The following IFT140 variants were observed in gnomAD, a reference collection of about 807,000 sequenced individuals.
IFT140 encodes intraflagellar transport 140.
In IFT140, 133 loss-of-function variants were observed where a neutral mutation model predicts 164.6. The observed-to-expected ratio is 0.81, with a 90% CI of 0.70 to 0.93. The LOEUF is 0.93. IFT140 is among the 40% of genes least tolerant of loss of function. The pLI, the probability that IFT140 is intolerant of heterozygous loss-of-function variation, is 0.00. For missense variants in IFT140, 2,045 were observed against 1,972.3 expected (o/e 1.04, Z -0.70); for synonymous variants, 860 against 817.3 (o/e 1.05, Z -0.89).
At chr16:1,530,131 A>ATCTTTTTTTTTTTTTTT (rs2030298651) in intron 19 of IFT140, among the ~76,000 whole-genome samples, 1 of 126,540 alleles carries the variant, frequency 7.9e-6, no homozygotes, top group Non-Finnish European at 1.6e-5. Flanking sequence ...CACGACGGGA[A>ATCTTTTTTTTTTTTTTT]TCTTTTTTTT....
rs534141586 is a variant in IFT140 at position 1,520,633 on chromosome 16, T to G, written c.3629A>C (p.Lys1210Thr). The part of the protein sequence containing the change: ...MRQGSYHLAT[K>T]KYTQAGNKLK... ...CTTGTTGCCGGCCTGCGTGTACTTCTTGGTGGCCAGGTGGTAGCTGCCCTG... is the reference window on the plus strand; with the variant it reads ...CTTGTTGCCGGCCTGCGTGTACTTCGTGGTGGCCAGGTGGTAGCTGCCCTG... Residue 1210 changes from lysine (K) to threonine (T), a missense_variant, in exon 27 of 31, where the codon AAG becomes ACG. Coordinates refer to ENST00000426508, the MANE Select transcript of IFT140 (RefSeq NM_014714.4). 5.6e-6 allele frequency: 9 copies of G among 1,598,058 alleles called. No individual in the cohort carries two copies. In the South Asian group the frequency reaches 1.0e-4, roughly 18 times the overall value.
chr16:1,516,139 C>CAAAAAAAAAAAAAAAAAAAAAA lies in IFT140; in HGVS notation c.4182+2055_4182+2076dup, dbSNP rs869165237. On this transcript the variant is annotated intron_variant, in intron 30 of 30. Coordinates refer to ENST00000426508, the MANE Select transcript of IFT140 (RefSeq NM_014714.4). ...GGCTACAAAGAGCAAAACTCTGTCT[C>CAAAAAAAAAAAAAAAAAAAAAA]AAAAAAAAAAAAAAAAAAAAAAAAA... Among the ~76,000 whole-genome samples, 4 of 46,024 alleles carry CAAAAAAAAAAAAAAAAAAAAAA rather than the reference C, an allele frequency of 8.7e-5. 1 individual carries two copies. The highest frequency in any genetic ancestry group is 1.4e-4 in the Non-Finnish European group (3 of 22,028). 30.2% of individuals were successfully genotyped at this position (46,024 alleles called of 152,430 possible). A position where few individuals can be genotyped will look rare whatever the true frequency, so the allele number is the denominator to read the frequency against.
In IFT140 at chr16:1,515,926, A is replaced by C. The variant is rs1351944137; in HGVS notation, c.4182+2290T>G. 2.6e-5 allele frequency among the ~76,000 whole-genome samples: 4 copies of C among 151,938 alleles called. No homozygotes were observed. The South Asian group carries it at 6.2e-4, about 24-fold the overall frequency. ...GAGGCCGAGGCAGGCAGATCACCTG[A>C]GGTTGGGAGTTTGAGACCAGCCTGA... On this transcript the variant is annotated intron_variant, in intron 30 of 30. Coordinates refer to ENST00000426508, the MANE Select transcript of IFT140 (RefSeq NM_014714.4).
intron 16 of IFT140, among the ~76,000 whole-genome samples, chr16:1,565,917 A>G (rs541318059): frequency 1.3e-4 from 20 of 152,318 alleles, no homozygotes; most frequent in African/African-American, 4.8e-4. Context: ...ATTCCCGGCC[A>G]GAACCCTTCC....
chr16:1,579,944 A>T lies in IFT140; in HGVS notation c.1524+815T>A, dbSNP rs573868055. Among the ~76,000 whole-genome samples, 30 of 150,036 alleles carry T rather than the reference A, an allele frequency of 2.0e-4. 1 individual carries two copies. The South Asian group carries it at 6.4e-3, about 32-fold the overall frequency. ...ACGCCACTGTACTCCAGCCTGGGCG[A>T]CAAAGCAAGACTCCATCTCAAAAAA... On this transcript the variant is annotated intron_variant, in intron 13 of 30. Coordinates refer to ENST00000426508, the MANE Select transcript of IFT140 (RefSeq NM_014714.4).
Position 1,554,552 on chromosome 16 carries a change from A to G in IFT140, c.2399+3383T>C, listed in dbSNP as rs571165854. 9.8e-5 allele frequency among the ~76,000 whole-genome samples: 15 copies of G among 152,336 alleles called. No homozygotes were observed. The South Asian group carries it at 2.7e-3, about 27-fold the overall frequency. On this transcript the variant is annotated intron_variant, in intron 19 of 30. Transcript: ENST00000426508. The stretch of plus-strand genomic sequence containing the variant: ...CAGAGCCTGAAGTCCTAAGAGCCAC[A>G]GAAGGGCTAATACAAGGTGGCTCAA...
intron 30 of IFT140, chr16:1,514,652 A>C (rs1231253625): frequency 6.6e-6 from 1 of 152,188 alleles, no homozygotes; most frequent in African/African-American, 2.4e-5. Context: ...TGAACCAAAA[A>C]AAAGCAATAC....
chr16:1,523,478 G>A, intron 26 of IFT140, 40 bp downstream of exon 26: 1 of 1,587,542 alleles, frequency 6.3e-7, no homozygotes. Flanking sequence ...GAGCCGTGGT[G>A]CCTGCGTGGA....
chr16:1,518,736 A>G (rs2040436176), intron 29 of IFT140, among the ~76,000 whole-genome samples: 1 of 151,758 alleles, frequency 6.6e-6, no homozygotes, highest in African/African-American at 2.4e-5. Context: ...GGCCGCTGGG[A>G]AGAACCCTCC....
intron 4 of IFT140, among the ~76,000 whole-genome samples, chr16:1,595,435 G>A (rs2035412457): frequency 6.6e-6 from 1 of 151,906 alleles, no homozygotes; most frequent in Non-Finnish European, 1.5e-5. Context: ...GGCCAGCATG[G>A]TGAAACCTGG....
intron 29 of IFT140, among the ~76,000 whole-genome samples, chr16:1,519,355 C>A (rs1445500550): frequency 6.6e-6 from 1 of 152,222 alleles, no homozygotes; most frequent in African/African-American, 2.4e-5. Flanking sequence ...AAAGCTGAGT[C>A]ACCTGCCCAT....
chr16:1,606,625 T>G (rs1267676132), intron 3 of IFT140, among the ~76,000 whole-genome samples: 1 of 152,174 alleles, frequency 6.6e-6, no homozygotes, highest in Non-Finnish European at 1.5e-5. Flanking sequence ...CATGCCCGGC[T>G]AATTTTGTAT....
At chr16:1,580,664 A>C in intron 13 of IFT140, 95 bp downstream of exon 13, 1 of 822,206 alleles carries the variant, frequency 1.2e-6, no homozygotes, top group Admixed American at 2.0e-5. Context: ...AAGGACTAAT[A>C]ACCTTAGGTG....
In IFT140 at chr16:1,607,206, T is replaced by G; in HGVS notation, c.61A>C (p.Ile21Leu). The change falls in exon 3 of 31, where the codon ATC (isoleucine) becomes CTC (leucine). Residue 21 changes from isoleucine (I) to leucine (L), a missense_variant. Transcript: ENST00000426508. ...APDAAGSPSF[I>L]SWHPVHPFLA... ...AATGGATGGACAGGGTGCCAGCTGA[T>G]AAATGAGGGTGACCCTGCTGCATCC... The G allele has an allele frequency of 6.2e-7, 1 of 1,614,084 alleles. No individual in the cohort carries two copies. Among genetic ancestry groups the G allele is most frequent in the Non-Finnish European group, 8.5e-7 (1 of 1,180,024 alleles).
chr16:1,592,478 G>C lies in IFT140; in HGVS notation c.480C>G (p.Pro160=), dbSNP rs2035231610. The change falls in exon 5 of 31, where the codon CCC becomes CCG. Residue 160 remains proline (P), a synonymous_variant. Transcript: ENST00000426508. ...AGCCCCACACTTACTCGCCAGGAGG[G>C]GGGAGCCGGAAGATGCAGTGCGTGA... ...KHLTHCIFRL[P]PPGEDLVQLA... is the part of the protein sequence containing the mutation. 6.2e-7 allele frequency: 1 copy of C among 1,614,194 alleles called. No homozygotes were observed. Among genetic ancestry groups the C allele is most frequent in the Non-Finnish European group, 8.5e-7 (1 of 1,180,004 alleles).
At chr16:1,558,781 C>T (rs1209049015) in intron 18 of IFT140, among the ~76,000 whole-genome samples, 1 of 152,252 alleles carries the variant, frequency 6.6e-6, no homozygotes, top group Non-Finnish European at 1.5e-5. Flanking sequence ...TCTGAGAGCA[C>T]ACGCACTCCC....
At chr16:1,517,988 C>T in intron 30 of IFT140, 1 of 404,592 alleles carries the variant, frequency 2.5e-6, no homozygotes, top group Non-Finnish European at 4.5e-6. Context: ...CAGGTGTGAG[C>T]CACCATGCCT....
rs1177339880 is a variant in IFT140 at position 1,570,671 on chromosome 16, C to A, written c.1652+736G>T. On this transcript the variant is annotated intron_variant, in intron 14 of 30. Transcript: ENST00000426508. ...CTTAGGTCAGCACTTTCCCCCCACA[C>A]CCTTTAGTGAAGCTGTTTCATACAT... 2.0e-5 allele frequency among the ~76,000 whole-genome samples: 3 copies of A among 152,216 alleles called. No homozygotes were observed. The South Asian group carries it at 6.2e-4, about 32-fold the overall frequency.
chr16:1,535,670 C>A (rs1031005166), intron 19 of IFT140, among the ~76,000 whole-genome samples: 3 of 152,210 alleles, frequency 2.0e-5, no homozygotes, highest in Non-Finnish European at 4.4e-5. Flanking sequence ...ACTTCACAGG[C>A]AAAGAAACTG....
Sources: allele counts gnomAD v4.1 joint callset (sites outside exome capture counted in the v4.1 genomes callset), GRCh38; gene constraint gnomAD v4.1.1; transcripts MANE v1.5; gene names NCBI Gene and HGNC (gene_info 2026-07-23, HGNC 2026-07-21).